Variants in ADAMTSL1 observed in about 807,000 individuals in gnomAD.
ADAMTSL1 encodes ADAMTS-like protein 1.
ADAMTSL1 carries 126 observed loss-of-function variants against 201.8 expected under a neutral mutation model. That is an observed-to-expected ratio of 0.62 (90% CI 0.54 to 0.72). The LOEUF (loss-of-function observed/expected upper bound fraction) is 0.72, where lower values mean the gene tolerates loss of function less well. Ranked by LOEUF, ADAMTSL1 falls within the 30% of genes least tolerant of loss-of-function variation. ADAMTSL1 has a pLI of 0.00. For missense variants in ADAMTSL1, 2,679 were observed against 2,277.8 expected (o/e 1.18, Z -3.59); for synonymous variants, 1,121 against 903.4 (o/e 1.24, Z -4.32).
chr9:18,138,582 C>G (rs150785457), intron 1 of ADAMTSL1, among the ~76,000 whole-genome samples: 1,801 of 152,290 alleles, frequency 0.012, 13 homozygotes, highest in Middle Eastern at 0.065. Context: ...TGTGATGTTC[C>G]TCCTGTGGAA....
rs1002433048 is a variant in ADAMTSL1 at position 18,777,049 on chromosome 9, G to A, written c.2820G>A (p.Ser940=). The A allele has an allele frequency of 1.2e-6, 2 of 1,612,334 alleles. No homozygotes were observed. Among genetic ancestry groups the A allele is most frequent in the Non-Finnish European group, 1.7e-6 (2 of 1,178,972 alleles). Residue 940 remains serine, a synonymous_variant, in exon 19 of 29, where the codon TCG becomes TCA. Transcript: ENST00000380548. ...GYLKIHRLKP[S]DAGVYTCSAG... is the part of the protein sequence containing the mutation. ...TCAAGATCCACCGCCTCAAGCCCTC[G>A]GATGCAGGCGTCTACACCTGCTCAG...
chr9:18,242,913 A>G (rs149567059), intron 2 of ADAMTSL1, among the ~76,000 whole-genome samples: 6 of 152,296 alleles, frequency 3.9e-5, no homozygotes, highest in Middle Eastern at 3.4e-3. Context: ...TAAAACACCC[A>G]TACTACCCAA....
At chr9:18,876,980 A>T (rs1828201305) in intron 23 of ADAMTSL1, among the ~76,000 whole-genome samples, 1 of 152,144 alleles carries the variant, frequency 6.6e-6, no homozygotes, top group South Asian at 2.1e-4. Flanking sequence ...GATTGGGTTA[A>T]TTCAAAAGAC....
intron 2 of ADAMTSL1, among the ~76,000 whole-genome samples, chr9:18,374,160 T>C (rs1362433828): frequency 6.6e-6 from 1 of 152,106 alleles, no homozygotes; most frequent in East Asian, 1.9e-4. Context: ...GCAGCACAGA[T>C]TTGGAACCCC....
At chr9:18,263,100 T>C (rs972717423) in intron 2 of ADAMTSL1, among the ~76,000 whole-genome samples, 29 of 152,196 alleles carry the variant, frequency 1.9e-4, no homozygotes, top group Non-Finnish European at 2.9e-5. Context: ...ATATGTTATT[T>C]ATCTTTTTCA....
chr9:18,110,883 G>T (rs1824978030), intron 1 of ADAMTSL1, among the ~76,000 whole-genome samples: 1 of 152,090 alleles, frequency 6.6e-6, no homozygotes, highest in South Asian at 2.1e-4. Flanking sequence ...CCCATAATAT[G>T]TATCAGTTGA....
intron 1 of ADAMTSL1, among the ~76,000 whole-genome samples, chr9:18,008,176 A>C (rs1340856520): frequency 6.6e-6 from 1 of 151,938 alleles, no homozygotes; most frequent in Non-Finnish European, 1.5e-5. Context: ...GAGGCAATTT[A>C]CTCCTGTGTG....
chr9:18,545,181 C>T (rs1173357953), intron 3 of ADAMTSL1, among the ~76,000 whole-genome samples: 2 of 152,128 alleles, frequency 1.3e-5, no homozygotes, highest in South Asian at 4.1e-4. Context: ...TACCTTATGA[C>T]CTTTTGCCCC....
intron 3 of ADAMTSL1, among the ~76,000 whole-genome samples, chr9:18,543,155 C>T (rs557667676): frequency 6.6e-6 from 1 of 152,270 alleles, no homozygotes; most frequent in South Asian, 2.1e-4. Flanking sequence ...AAATCAGTAT[C>T]CACCAAAAGA....
chr9:18,490,242 A>T (rs1267188515), intron 1 of ADAMTSL1, among the ~76,000 whole-genome samples: 5 of 152,134 alleles, frequency 3.3e-5, no homozygotes, highest in Non-Finnish European at 1.5e-5. Context: ...CTGCAAGAAG[A>T]GTCTGAATGG....
chr9:18,149,066 T>C (rs1826784787), intron 1 of ADAMTSL1, among the ~76,000 whole-genome samples: 1 of 152,056 alleles, frequency 6.6e-6, no homozygotes, highest in Non-Finnish European at 1.5e-5. Context: ...TTAAGTGGCT[T>C]ATGCTGTAGA....
At chr9:18,040,361 A>C (rs1023781477) in intron 1 of ADAMTSL1, among the ~76,000 whole-genome samples, 1 of 152,234 alleles carries the variant, frequency 6.6e-6, no homozygotes, top group Non-Finnish European at 1.5e-5. Flanking sequence ...ATTGTTTCTG[A>C]TCTTAAGTGG....
chr9:18,885,461 CTTGT>C (rs1440031868), intron 23 of ADAMTSL1, among the ~76,000 whole-genome samples: 9 of 152,176 alleles, frequency 5.9e-5, no homozygotes, highest in Non-Finnish European at 1.0e-4. Flanking sequence ...TGTGAGTGAA[CTTGT>C]TTTTCTTTTC....
intron 5 of ADAMTSL1, among the ~76,000 whole-genome samples, chr9:18,625,357 G>C (rs2132695089): frequency 6.6e-6 from 1 of 151,980 alleles, no homozygotes; most frequent in East Asian, 1.9e-4. Flanking sequence ...GGTAGAATGT[G>C]CCAGAAGGAT....
intron 1 of ADAMTSL1, among the ~76,000 whole-genome samples, chr9:17,951,664 A>G (rs1266249194): frequency 6.8e-6 from 1 of 147,558 alleles, no homozygotes; most frequent in African/African-American, 2.5e-5. Context: ...TCTCTTATTG[A>G]TCTGGAGGAA....
Position 18,428,434 on chromosome 9 carries a change from CAAAAAA to C in ADAMTSL1, c.208-76384_208-76379del, listed in dbSNP as rs368935296. Among the ~76,000 whole-genome samples, 181 of 119,608 alleles carry C rather than the reference CAAAAAA, an allele frequency of 1.5e-3. 4 individuals are homozygous for C. The South Asian group carries it at 0.041, about 27-fold the overall frequency. 78.5% of individuals were successfully genotyped at this position (119,608 alleles called of 152,430 possible). A position where few individuals can be genotyped will look rare whatever the true frequency, so the allele number is the denominator to read the frequency against. The stretch of plus-strand genomic sequence containing the variant: ...TAATATTGTGAGACCCCTATGTCTA[CAAAAAA>C]AAAAAAAAAAGAAAAGAAAAGAAAA... On this transcript the variant is annotated intron_variant, in intron 2 of 29. Transcript: ENST00000680146.
chr9:18,633,629 T>G (rs1053528809), intron 5 of ADAMTSL1, among the ~76,000 whole-genome samples: 37 of 142,792 alleles, frequency 2.6e-4, no homozygotes, highest in Non-Finnish European at 4.4e-4. Flanking sequence ...TCTGTAGGCC[T>G]AATCTTAACT....
intron 23 of ADAMTSL1, among the ~76,000 whole-genome samples, chr9:18,850,658 G>A (rs987126332): frequency 6.6e-6 from 1 of 152,226 alleles, no homozygotes; most frequent in African/African-American, 2.4e-5. Context: ...GCTTCTTGAA[G>A]TAGAGGGATC....
chr9:18,225,633 T>C lies in ADAMTSL1; in HGVS notation c.207+61652T>C, dbSNP rs143638706. ...TGAACTCTGACTCTTTTAGATAACC[T>C]TCAGTTATTCGCATGACTGAGTTTC... is the stretch of plus-strand genomic sequence containing the variant. On this transcript the variant is annotated intron_variant, in intron 2 of 29. Coordinates refer to the ADAMTSL1 transcript ENST00000680146. 5.8e-3 allele frequency among the ~76,000 whole-genome samples: 886 copies of C among 152,260 alleles called. 7 individuals carry two copies. The highest frequency in any genetic ancestry group is 0.02 in the African/African-American group (811 of 41,552).
Sources: gnomAD v4.1 joint callset for allele counts (sites outside exome capture counted in the v4.1 genomes callset) on GRCh38, gnomAD v4.1.1 for gene constraint, MANE v1.5 for transcripts, NCBI Gene and HGNC (gene_info 2026-07-23, HGNC 2026-07-21) for gene names.